Variants in EEIG1 observed in about 807,000 individuals in gnomAD.
EEIG1 encodes estrogen-induced osteoclastogenesis regulator 1.
chr9:127,944,699 G>A, the EEIG1 span: 1 of 1,612,930 alleles, frequency 6.2e-7, no homozygotes, highest in African/African-American at 1.3e-5. Flanking sequence ...GGGGACACAG[G>A]AGAGGATGGA....
At chr9:127,951,029 A>C in the EEIG1 span, among the ~76,000 whole-genome samples, 133,821 of 152,088 alleles carry the variant, frequency 0.88, 59,874 homozygotes, top group Non-Finnish European at 0.98. Flanking sequence ...CTGGTAGAGG[A>C]CAGAGTGAGG....
At chr9:127,960,683 C>T in the EEIG1 span, among the ~76,000 whole-genome samples, 2 of 152,298 alleles carry the variant, frequency 1.3e-5, no homozygotes, top group South Asian at 2.1e-4. Context: ...AACAAAAGCT[C>T]ACAGTGAATT....
chr9:127,978,339 C>T, the EEIG1 span, among the ~76,000 whole-genome samples: 1 of 152,144 alleles, frequency 6.6e-6, no homozygotes, highest in Admixed American at 6.5e-5. Flanking sequence ...TGGCAAGCCA[C>T]TGACTTCCTC....
the EEIG1 span, chr9:127,944,751 GC>G: frequency 6.2e-7 from 1 of 1,611,016 alleles, no homozygotes. Flanking sequence ...AGGTGGCCTC[GC>G]CCCCACCAGC....
the EEIG1 span, chr9:127,945,827 G>C: frequency 9.6e-7 from 1 of 1,045,980 alleles, no homozygotes; most frequent in Non-Finnish European, 1.4e-6. This position sits in a 1 kb window ranked among gnomAD's most constrained non-coding sequence, Gnocchi z 6.5. Flanking sequence ...CCTTCACAAC[G>C]TGCCCTCACA....
At chr9:127,969,865 T>G in the EEIG1 span, among the ~76,000 whole-genome samples, 1 of 152,044 alleles carries the variant, frequency 6.6e-6, no homozygotes, top group Non-Finnish European at 1.5e-5. Context: ...GGTGCCTCAT[T>G]TTTGTCTAGA....
the EEIG1 span, among the ~76,000 whole-genome samples, chr9:127,949,854 C>T: frequency 6.6e-6 from 1 of 152,200 alleles, no homozygotes; most frequent in Non-Finnish European, 1.5e-5. Context: ...GAGGCAGCTG[C>T]CTGGGGGTGG....
the EEIG1 span, among the ~76,000 whole-genome samples, chr9:127,951,539 C>T: frequency 0.013 from 1,954 of 152,134 alleles, 120 homozygotes; most frequent in East Asian, 0.2. Flanking sequence ...TCACAGAGGC[C>T]GGGCGCGGTG....
chr9:127,945,712 C>T, the EEIG1 span: 3 of 1,589,346 alleles, frequency 1.9e-6, no homozygotes, highest in Non-Finnish European at 2.6e-6. The surrounding 1 kb of genome is among the most constrained non-coding windows in gnomAD (Gnocchi z 6.5). Flanking sequence ...TGGAACACCT[C>T]CTCAGGGCTG....
the EEIG1 span, among the ~76,000 whole-genome samples, chr9:127,949,534 G>GTGCACAGGGCTACTGTGCCTGTGC: frequency 3.3e-5 from 5 of 152,120 alleles, no homozygotes; most frequent in African/African-American, 1.2e-4. Context: ...CTGGCCTGAG[G>GTGCACAGGGCTACTGTGCCTGTGC]TGCACAGGGC....
the EEIG1 span, among the ~76,000 whole-genome samples, chr9:127,969,424 C>A: frequency 6.6e-6 from 1 of 152,196 alleles, no homozygotes; most frequent in Non-Finnish European, 1.5e-5. Context: ...AGGGCCCTTA[C>A]AATAACTGCC....
At chr9:127,948,873 A>C in the EEIG1 span, among the ~76,000 whole-genome samples, 1 of 152,232 alleles carries the variant, frequency 6.6e-6, no homozygotes, top group Non-Finnish European at 1.5e-5. Flanking sequence ...ATGAAAAAGC[A>C]TGAAGCCATT....
chr9:127,979,626 CAT>C, the EEIG1 span, among the ~76,000 whole-genome samples: 12 of 152,240 alleles, frequency 7.9e-5, no homozygotes, highest in Admixed American at 3.3e-4. Flanking sequence ...ACTCTTGAAT[CAT>C]ATGACAGCCC....
chr9:127,957,668 C>T, the EEIG1 span, among the ~76,000 whole-genome samples: 1 of 152,198 alleles, frequency 6.6e-6, no homozygotes, highest in Non-Finnish European at 1.5e-5. Flanking sequence ...AAAAGTAAAA[C>T]ATCATTTAAA....
chr9:127,953,870 T>G, the EEIG1 span: 1 of 1,614,032 alleles, frequency 6.2e-7, no homozygotes, highest in Non-Finnish European at 8.5e-7. Flanking sequence ...GCACTCATCT[T>G]ACACACGAAG....
the EEIG1 span, among the ~76,000 whole-genome samples, chr9:127,965,126 A>C: frequency 1.8e-4 from 22 of 120,214 alleles, no homozygotes; most frequent in Admixed American, 3.1e-4. Flanking sequence ...AAAAAAAAAA[A>C]AAAAAAAAAA....
the EEIG1 span, chr9:127,943,130 G>GA: frequency 6.6e-7 from 1 of 1,522,104 alleles, no homozygotes; most frequent in Non-Finnish European, 9.1e-7. Flanking sequence ...GTTCCTCATG[G>GA]AATGATACAG....
the EEIG1 span, among the ~76,000 whole-genome samples, chr9:127,949,311 C>CAAAAAA: frequency 7.8e-5 from 7 of 90,026 alleles, no homozygotes; most frequent in Admixed American, 2.5e-4. Context: ...GACTCTGTCT[C>CAAAAAA]AAAAAAAAAA....
chr9:127,947,340 G>T, the EEIG1 span, among the ~76,000 whole-genome samples: 10 of 151,876 alleles, frequency 6.6e-5, no homozygotes, highest in Admixed American at 6.6e-4. Flanking sequence ...GGAGGCTGAG[G>T]CAGGAGAAAT....
Sources: allele counts gnomAD v4.1 joint callset (sites outside exome capture counted in the v4.1 genomes callset), GRCh38; gene constraint gnomAD v4.1.1; non-coding constraint Gnocchi (gnomAD v3.1); transcripts MANE v1.5; gene names NCBI Gene and HGNC (gene_info 2026-07-23, HGNC 2026-07-21).